C3orf70: variants seen among roughly 807,000 people sequenced by gnomAD.
C3orf70 encodes the protein chromosome 3 open reading frame 70.
Under a neutral mutation model 20.7 loss-of-function variants are expected in C3orf70, and 15 were observed. That is an observed-to-expected ratio of 0.72 (90% CI 0.48 to 1.11). The LOEUF (loss-of-function observed/expected upper bound fraction) is 1.11, where lower values mean the gene tolerates loss of function less well. Among genes scored for constraint, C3orf70 ranks in the 50% most tolerant of loss-of-function variants. The pLI is 0.00. For synonymous variants in C3orf70, 161 were observed against 125.7 expected (o/e 1.28, Z -1.88); for missense variants, 332 against 317.6 (o/e 1.05, Z -0.34).
chr3:185,125,878 C>T (rs533784324), intron 1 of C3orf70, among the ~76,000 whole-genome samples: 3 of 152,112 alleles, frequency 2.0e-5, no homozygotes, highest in African/African-American at 4.8e-5. Context: ...TTAGCAGTTA[C>T]CAGGGATGGG....
Position 185,079,896 on chromosome 3 carries a change from G to A in C3orf70, c.*3111C>T, listed in dbSNP as rs943359430. 5 of 152,658 alleles carry A rather than the reference G, an allele frequency of 3.3e-5. No homozygotes were observed. The highest frequency in any genetic ancestry group is 1.2e-4 in the African/African-American group (5 of 41,450). The allele number at this position is 152,658 out of a possible 1,614,324, so 9.5% of individuals were successfully genotyped here. ...GACTGAGTTCAATGTTATAGTGCAT[G>A]TTGCAGTCTAAACATTTTCTAAAGT... is the stretch of plus-strand genomic sequence containing the variant. On this transcript the variant is annotated 3_prime_UTR_variant, in exon 2 of 2. Transcript: ENST00000335012.
chr3:185,121,149 C>T (rs1364255601), intron 1 of C3orf70, among the ~76,000 whole-genome samples: 3 of 151,972 alleles, frequency 2.0e-5, no homozygotes, highest in Admixed American at 6.6e-5. Flanking sequence ...AAACATCATA[C>T]GTTCTCACTC....
intron 1 of C3orf70, among the ~76,000 whole-genome samples, chr3:185,117,822 T>C (rs143240301): frequency 3.9e-5 from 6 of 152,320 alleles, no homozygotes; most frequent in Non-Finnish European, 8.8e-5. Flanking sequence ...ACTGAACTCA[T>C]TGAAGATCTT....
At chr3:185,086,709 A>G (rs1715465701) in intron 1 of C3orf70, among the ~76,000 whole-genome samples, 1 of 152,238 alleles carries the variant, frequency 6.6e-6, no homozygotes, top group African/African-American at 2.4e-5. Flanking sequence ...GATGTGAACC[A>G]GATTCCACTT....
intron 1 of C3orf70, among the ~76,000 whole-genome samples, chr3:185,092,871 A>AT (rs1715621096): frequency 1.3e-5 from 2 of 152,086 alleles, no homozygotes; most frequent in Non-Finnish European, 2.9e-5. Flanking sequence ...CATGCCTGTA[A>AT]TCCCAGCTAC....
chr3:185,120,033 A>AAAAAAG (rs1716264498), intron 1 of C3orf70, among the ~76,000 whole-genome samples: 1 of 100,784 alleles, frequency 9.9e-6, no homozygotes, highest in Non-Finnish European at 1.8e-5. Flanking sequence ...AAAAAAAAAA[A>AAAAAAG]AAAAAGAAAA....
chr3:185,152,810 G>A lies in C3orf70; in HGVS notation c.14C>T (p.Ala5Val), dbSNP rs768924649. 58 of 1,560,364 alleles carry A rather than the reference G, an allele frequency of 3.7e-5. No individual in the cohort carries two copies. Among genetic ancestry groups the A allele is most frequent in the Non-Finnish European group, 4.6e-5 (53 of 1,151,448 alleles). Reference sequence around the variant, plus strand: ...CCAACCCCGCTCCGACGCCGGCGAGGCCGCCGCACTCATTTCCTCTCCCTC... The same window carrying A: ...CCAACCCCGCTCCGACGCCGGCGAGACCGCCGCACTCATTTCCTCTCCCTC... MSAA[A>V]SPASERGWKS... The change falls in exon 1 of 2, where the codon GCC (alanine) becomes GTC (valine). Residue 5 changes from alanine (A) to valine (V), a missense_variant. Physicochemically the swap from Ala to Val is moderately conservative, Grantham distance 64. Coordinates refer to ENST00000335012, the MANE Select transcript of C3orf70 (RefSeq NM_001025266.3).
In C3orf70 at chr3:185,152,888, A is replaced by C; in HGVS notation, c.-65T>G. 1 of 1,377,356 alleles carries C rather than the reference A, an allele frequency of 7.3e-7. No homozygotes were observed. The highest frequency in any genetic ancestry group is 3.1e-5 in the East Asian group (1 of 32,630). 85.3% of individuals were successfully genotyped at this position (1,377,356 alleles called of 1,614,324 possible). The stretch of plus-strand genomic sequence containing the variant: ...GAGAAGCGACGTCTGGGTGGGCAGG[A>C]AGCCGAGCCGGCTGCGGACGCGGGA... On this transcript the variant is annotated 5_prime_UTR_variant, in exon 1 of 2. Coordinates refer to ENST00000335012, the MANE Select transcript of C3orf70 (RefSeq NM_001025266.3).
At chr3:185,088,387 TTC>T (rs1009317194) in intron 1 of C3orf70, among the ~76,000 whole-genome samples, 3 of 152,186 alleles carry the variant, frequency 2.0e-5, no homozygotes, top group Non-Finnish European at 2.9e-5. Flanking sequence ...GATGGAAATG[TTC>T]TGTATCTTGC....
intron 1 of C3orf70, among the ~76,000 whole-genome samples, chr3:185,094,473 G>T (rs899198854): frequency 2.0e-5 from 3 of 152,084 alleles, no homozygotes; most frequent in African/African-American, 7.3e-5. Flanking sequence ...AGAGCCGGTG[G>T]ATATGAAGAG....
rs974714693 is a variant in C3orf70, at chr3:185,077,788, G to T, written c.*5219C>A. On this transcript the variant is annotated 3_prime_UTR_variant, in exon 2 of 2. Transcript: ENST00000335012. ...GTGAAATAAATGCTATTTGGTGGTGGTGGGGGGGGGGTATCAAGTTTTATT... is the reference window on the plus strand; with the variant it reads ...GTGAAATAAATGCTATTTGGTGGTGTTGGGGGGGGGGTATCAAGTTTTATT... Among the ~76,000 whole-genome samples, 50 of 128,782 alleles carry T rather than the reference G, an allele frequency of 3.9e-4. No homozygotes were observed. Among genetic ancestry groups the T allele is most frequent in the African/African-American group, 1.6e-3 (47 of 28,776 alleles). The allele number at this position is 128,782 out of a possible 152,430, so 84.5% of individuals were successfully genotyped here. A position where few individuals can be genotyped will look rare whatever the true frequency, so the allele number is the denominator to read the frequency against.
Position 185,105,625 on chromosome 3 carries a change from C to T in C3orf70, c.197-22062G>A, listed in dbSNP as rs182203450. Among the ~76,000 whole-genome samples, 1,038 of 152,288 alleles carry T rather than the reference C, an allele frequency of 6.8e-3. 12 individuals are homozygous for T. The highest frequency in any genetic ancestry group is 0.023 in the African/African-American group (976 of 41,540). On this transcript the variant is annotated intron_variant, in intron 1 of 1. Coordinates refer to ENST00000335012, the MANE Select transcript of C3orf70 (RefSeq NM_001025266.3). ...CTGCAGGCTGTGAGACCCCTGATTTCCCACTTCACACCTCTATATTTCTCT... is the reference window on the plus strand; with the variant it reads ...CTGCAGGCTGTGAGACCCCTGATTTTCCACTTCACACCTCTATATTTCTCT...
chr3:185,115,040 G>A (rs1716147307), intron 1 of C3orf70, among the ~76,000 whole-genome samples: 1 of 152,150 alleles, frequency 6.6e-6, no homozygotes, highest in East Asian at 1.9e-4. Context: ...TCAATCTTGG[G>A]TGTGCAGCAG....
At chr3:185,091,217 T>C (rs183751353) in intron 1 of C3orf70, among the ~76,000 whole-genome samples, 34 of 151,594 alleles carry the variant, frequency 2.2e-4, no homozygotes, top group South Asian at 8.3e-4. Flanking sequence ...CCAAGTTTCA[T>C]TGAAGGATTT....
intron 1 of C3orf70, among the ~76,000 whole-genome samples, chr3:185,152,312 C>CA (rs1460410897): frequency 3.3e-5 from 5 of 151,748 alleles, no homozygotes; most frequent in African/African-American, 1.2e-4. Context: ...ACGCCTTGGT[C>CA]AAAAAAAGAA....
intron 1 of C3orf70, among the ~76,000 whole-genome samples, chr3:185,103,362 TA>T (rs1307355099): frequency 6.6e-5 from 10 of 152,074 alleles, no homozygotes; most frequent in Admixed American, 6.6e-4. Context: ...CAAACGGGAT[TA>T]ATTAGAAAGC....
intron 1 of C3orf70, among the ~76,000 whole-genome samples, chr3:185,105,825 GGTGA>G (rs1213703119): frequency 1.3e-5 from 2 of 152,180 alleles, no homozygotes; most frequent in Non-Finnish European, 2.9e-5. Context: ...CAATCCCTGT[GGTGA>G]GTAAGAAGGG....
In C3orf70 at chr3:185,091,856, GTATTA is replaced by G. The variant is rs1471962846; in HGVS notation, c.197-8298_197-8294del. Among the ~76,000 whole-genome samples, 196 of 110,940 alleles carry G rather than the reference GTATTA, an allele frequency of 1.8e-3. 8 individuals carry two copies. The highest frequency in any genetic ancestry group is 6.9e-3 in the African/African-American group (191 of 27,626). 72.8% of individuals were successfully genotyped at this position (110,940 alleles called of 152,430 possible). A position where few individuals can be genotyped will look rare whatever the true frequency, so the allele number is the denominator to read the frequency against. On this transcript the variant is annotated intron_variant, in intron 1 of 1. Transcript: ENST00000335012. ...CTTGCCACCACACCCAGCTATATAT[GTATTA>G]TATTATATATATATATATAATATAT... is the stretch of plus-strand genomic sequence containing the variant.
Position 185,153,049 on chromosome 3 carries a change from G to GCGCCGCGCCCCA in C3orf70, c.-227_-226insTGGGGCGCGGCG, listed in dbSNP as rs1250148368. ...AGCCTCCCTCCCTCCGGCGCGGCGC[G>GCGCCGCGCCCCA]CGCCGCGCCCCACGCGCACACGCAC... On this transcript the variant is annotated 5_prime_UTR_variant, in exon 1 of 2. Transcript: ENST00000335012. This position sits in a 1 kb window ranked among gnomAD's most constrained non-coding sequence, Gnocchi z 6.8. 69 of 153,088 alleles carry GCGCCGCGCCCCA rather than the reference G, an allele frequency of 4.5e-4. No homozygotes were observed. Among genetic ancestry groups the GCGCCGCGCCCCA allele is most frequent in the African/African-American group, 1.6e-3 (64 of 41,084 alleles). The allele number at this position is 153,088 out of a possible 1,614,324, so 9.5% of individuals were successfully genotyped here.
Sources: allele counts gnomAD v4.1 joint callset (sites outside exome capture counted in the v4.1 genomes callset), GRCh38; gene constraint gnomAD v4.1.1; non-coding constraint Gnocchi (gnomAD v3.1); transcripts MANE v1.5; gene names NCBI Gene and HGNC (gene_info 2026-07-23, HGNC 2026-07-21).